Variants in IL1RAPL2 observed in about 807,000 individuals in gnomAD.
IL1RAPL2 encodes X-linked interleukin-1 receptor accessory protein-like 2.
Under a neutral mutation model 44.1 loss-of-function variants are expected in IL1RAPL2, and 3 were observed. The observed-to-expected ratio is 0.07, with a 90% CI of 0.03 to 0.18. The LOEUF (loss-of-function observed/expected upper bound fraction) is 0.18, where lower values mean the gene tolerates loss of function less well. Among genes scored for constraint, IL1RAPL2 ranks in the 10% least tolerant of loss-of-function variants. IL1RAPL2 has a pLI of 1.00. For synonymous variants in IL1RAPL2, 181 were observed against 178.8 expected (o/e 1.01, Z -0.10); for missense variants, 391 against 496.4 (o/e 0.79, Z 2.02).
chrX:104,939,557 G>T (rs1429650174), intron 2 of IL1RAPL2, among the ~76,000 whole-genome samples: 2 of 111,101 alleles, frequency 1.8e-5, no homozygotes, highest in Non-Finnish European at 3.8e-5. Flanking sequence ...ATTTTTAAAG[G>T]GCAGAAATAT....
At chrX:105,625,049 G>C (rs2037444177) in intron 6 of IL1RAPL2, among the ~76,000 whole-genome samples, 1 of 111,786 alleles carries the variant, frequency 8.9e-6, no homozygotes, top group African/African-American at 3.2e-5. Context: ...TTTCATTTAT[G>C]TTATATTATA....
chrX:105,017,291 C>T (rs1569361922), intron 2 of IL1RAPL2, among the ~76,000 whole-genome samples: 1 of 111,188 alleles, frequency 9.0e-6, no homozygotes, highest in East Asian at 2.9e-4. Context: ...ATTTTTGTGT[C>T]TATCTCCTTC....
chrX:104,883,679 T>C (rs777186468), intron 2 of IL1RAPL2, among the ~76,000 whole-genome samples: 12 of 111,119 alleles, frequency 1.1e-4, no homozygotes, highest in Non-Finnish European at 2.1e-4. Flanking sequence ...ATAAGAATGA[T>C]TTCTAGTGTA....
chrX:105,010,103 C>T (rs1905451955), intron 2 of IL1RAPL2, among the ~76,000 whole-genome samples: 1 of 110,891 alleles, frequency 9.0e-6, no homozygotes, highest in African/African-American at 3.3e-5. Flanking sequence ...TTTAGTCAAA[C>T]CATTTTAAAA....
intron 2 of IL1RAPL2, among the ~76,000 whole-genome samples, chrX:104,939,763 A>G (rs763043819): frequency 3.0e-4 from 34 of 111,895 alleles, no homozygotes; most frequent in Non-Finnish European, 5.6e-4. Context: ...TTATTGGTCC[A>G]TTCAAAGCAA....
chrX:105,276,357 G>A (rs1002993351), intron 5 of IL1RAPL2, among the ~76,000 whole-genome samples: 2 of 112,699 alleles, frequency 1.8e-5, no homozygotes, highest in South Asian at 3.6e-4. Flanking sequence ...GTGGTGAGCC[G>A]AGATTGTGCC....
At chrX:104,975,144 TGC>T (rs1183129546) in intron 2 of IL1RAPL2, among the ~76,000 whole-genome samples, 3 of 111,694 alleles carry the variant, frequency 2.7e-5, no homozygotes, top group Non-Finnish European at 5.6e-5. Context: ...GCGGTTTCTT[TGC>T]TGCTTTTTGT....
At chrX:105,075,995 T>C in intron 2 of IL1RAPL2, among the ~76,000 whole-genome samples, 1 of 111,824 alleles carries the variant, frequency 8.9e-6, no homozygotes, top group Non-Finnish European at 1.9e-5. Context: ...AAAAACCAGC[T>C]CCTGGATTCA....
intron 5 of IL1RAPL2, among the ~76,000 whole-genome samples, chrX:105,379,226 TGGAG>T (rs2035411014): frequency 1.8e-5 from 2 of 111,422 alleles, no homozygotes; most frequent in Admixed American, 1.9e-4. Context: ...AATAGCTTCA[TGGAG>T]GGAGTGACCT....
intron 5 of IL1RAPL2, among the ~76,000 whole-genome samples, chrX:105,313,979 A>C (rs756152364): frequency 1.2e-4 from 13 of 111,908 alleles, no homozygotes; most frequent in Middle Eastern, 4.7e-3. Context: ...TTATGTAGCA[A>C]TTCATTTGCA....
chrX:105,587,307 C>T (rs1222712168), intron 6 of IL1RAPL2, among the ~76,000 whole-genome samples: 1 of 111,086 alleles, frequency 9.0e-6, no homozygotes, highest in Non-Finnish European at 1.9e-5. Flanking sequence ...GTCTACTTTT[C>T]TATTTATAAG....
At chrX:105,277,961 T>C (rs901002020) in intron 5 of IL1RAPL2, among the ~76,000 whole-genome samples, 12 of 111,617 alleles carry the variant, frequency 1.1e-4, no homozygotes, top group Non-Finnish European at 1.7e-4. Context: ...CCTCAACCTA[T>C]GACACAGGGC....
At chrX:104,824,316 G>A (rs1379323671) in intron 2 of IL1RAPL2, among the ~76,000 whole-genome samples, 11 of 111,944 alleles carry the variant, frequency 9.8e-5, no homozygotes, top group African/African-American at 2.6e-4. Flanking sequence ...TTTTTGCATC[G>A]ATGTTCATCA....
intron 5 of IL1RAPL2, among the ~76,000 whole-genome samples, chrX:105,392,194 C>A (rs1236592118): frequency 9.1e-6 from 1 of 109,390 alleles, no homozygotes; most frequent in African/African-American, 3.3e-5. Context: ...TTAGCCAGGT[C>A]CTGTTGGCAA....
At chrX:104,890,002 A>G (rs1046502072) in intron 2 of IL1RAPL2, among the ~76,000 whole-genome samples, 2 of 110,177 alleles carry the variant, frequency 1.8e-5, no homozygotes, top group African/African-American at 6.6e-5. Context: ...TCCTGTGTCC[A>G]AGTGTTCTCA....
intron 1 of IL1RAPL2, among the ~76,000 whole-genome samples, chrX:104,631,915 C>T (rs1342009140): frequency 9.1e-6 from 1 of 109,766 alleles, no homozygotes; most frequent in Non-Finnish European, 1.9e-5. Flanking sequence ...AAGTCCTTGC[C>T]CATGCCTATG....
At chrX:105,002,682 C>G (rs763929058) in intron 2 of IL1RAPL2, among the ~76,000 whole-genome samples, 14 of 109,339 alleles carry the variant, frequency 1.3e-4, no homozygotes, top group Admixed American at 3.0e-4. Context: ...TCCCAACCCC[C>G]CTAATATACC....
At chrX:104,583,132 C>G (rs1209832411) in intron 1 of IL1RAPL2, among the ~76,000 whole-genome samples, 1 of 109,607 alleles carries the variant, frequency 9.1e-6, no homozygotes, top group East Asian at 2.9e-4. Flanking sequence ...AAGTGATCTG[C>G]CTGCCTCAGC....
At chrX:105,119,332 G>A (rs2032896208) in intron 2 of IL1RAPL2, among the ~76,000 whole-genome samples, 1 of 111,183 alleles carries the variant, frequency 9.0e-6, no homozygotes, top group Admixed American at 9.6e-5. Context: ...TTAGGGTAAA[G>A]GAAGTCTCAT....
Sources: allele counts gnomAD v4.1 joint callset (sites outside exome capture counted in the v4.1 genomes callset), GRCh38; gene constraint gnomAD v4.1.1; transcripts MANE v1.5; gene names NCBI Gene and HGNC (gene_info 2026-07-23, HGNC 2026-07-21).